PARP11: variants seen among roughly 807,000 people sequenced by gnomAD.
PARP11 encodes the protein poly(ADP-ribose) polymerase family member 11.
In PARP11, 31 loss-of-function variants were observed where a neutral mutation model predicts 42.9. The ratio of observed to expected loss-of-function variants is 0.72; its 90% confidence interval spans 0.54 to 0.98. The LOEUF (loss-of-function observed/expected upper bound fraction) is 0.98. PARP11 is among the 50% of genes least tolerant of loss of function. The probability of loss-of-function intolerance (pLI) is 0.00; values close to 1 mark genes in which losing one functional copy is unlikely to be tolerated. For synonymous variants in PARP11, 137 were observed against 127.3 expected (o/e 1.08, Z -0.51); for missense variants, 365 against 413.1 (o/e 0.88, Z 1.01).
At chr12:3,828,544 CAA>C (rs543241542) in intron 3 of PARP11, among the ~76,000 whole-genome samples, 50 of 75,936 alleles carry the variant, frequency 6.6e-4, no homozygotes, top group South Asian at 7.9e-4. Flanking sequence ...TGAGACGTCT[CAA>C]AAAAAAAAAA....
At chr12:3,857,483 G>C (rs1472097468) in intron 1 of PARP11, among the ~76,000 whole-genome samples, 2 of 152,154 alleles carry the variant, frequency 1.3e-5, no homozygotes, top group African/African-American at 2.4e-5. Context: ...TACAGCTGCT[G>C]AGACAGCCTT....
intron 1 of PARP11, among the ~76,000 whole-genome samples, chr12:3,849,120 C>T (rs552514175): frequency 4.0e-4 from 61 of 152,220 alleles, no homozygotes; most frequent in African/African-American, 1.5e-3. Flanking sequence ...GACATCATCT[C>T]ACCTCAGTTA....
intron 1 of PARP11, among the ~76,000 whole-genome samples, chr12:3,866,725 A>G (rs1948398649): frequency 6.6e-6 from 1 of 152,210 alleles, no homozygotes; most frequent in Admixed American, 6.5e-5. Context: ...CCAAGAGAAA[A>G]GACGCATTCC....
intron 1 of PARP11, among the ~76,000 whole-genome samples, chr12:3,866,408 C>G (rs755417203): frequency 6.6e-6 from 1 of 152,066 alleles, no homozygotes; most frequent in African/African-American, 2.4e-5. Context: ...CTTCAAAAGA[C>G]GGTCCTCAGG....
chr12:3,826,311 G>A (rs558821374), intron 3 of PARP11, 78 bp from the exon 4 acceptor site: 10 of 987,766 alleles, frequency 1.0e-5, no homozygotes, highest in Non-Finnish European at 1.5e-5. Flanking sequence ...TAATAGCCAC[G>A]CTACGCGATG....
At position 3,840,585 on chromosome 12, in the gene PARP11, TTC is replaced by T. The variant is rs1947864815; in HGVS notation, c.19-10569_19-10568del. 4.8e-6 allele frequency: 7 copies of T among 1,452,596 alleles called. No individual in the cohort carries two copies. The highest frequency in any genetic ancestry group is 1.7e-4 in the Middle Eastern group (1 of 5,764). 90.0% of individuals were successfully genotyped at this position (1,452,596 alleles called of 1,614,324 possible). A position where few individuals can be genotyped will look rare whatever the true frequency, so the allele number is the denominator to read the frequency against. On this transcript the variant is annotated intron_variant, in intron 1 of 7. Transcript: ENST00000228820. This position sits in a 1 kb window ranked among gnomAD's most constrained non-coding sequence, Gnocchi z 4.4. ...AACCTGATCGTGAAAGAGTTGAGGA[TTC>T]TGATCACACAAGTCGAGAATCTAAC...
chr12:3,818,301 C>T (rs1414368541), intron 6 of PARP11, among the ~76,000 whole-genome samples: 1 of 152,270 alleles, frequency 6.6e-6, no homozygotes, highest in African/African-American at 2.4e-5. Flanking sequence ...ACAAAAGAAA[C>T]GGAAGGTATC....
intron 1 of PARP11, chr12:3,842,347 T>C: frequency 6.2e-7 from 1 of 1,611,656 alleles, no homozygotes; most frequent in Non-Finnish European, 8.5e-7. Context: ...TTGGGGCTAT[T>C]CTGGTAGGGG....
At chr12:3,841,034 C>A (rs1947877774) in intron 1 of PARP11, 1 of 1,585,508 alleles carries the variant, frequency 6.3e-7, no homozygotes, top group Non-Finnish European at 8.7e-7. Context: ...GTGACACAGA[C>A]TTTGACCCCT....
intron 1 of PARP11, among the ~76,000 whole-genome samples, chr12:3,836,867 T>C (rs1947775862): frequency 1.3e-5 from 2 of 152,152 alleles, no homozygotes; most frequent in Non-Finnish European, 2.9e-5. Context: ...GCATCAAGCA[T>C]ACAGAAAACT....
rs1209479932 is a variant in PARP11, at chr12:3,811,067, A to G, written c.*1056T>C. The G allele has an allele frequency of 2.6e-5, 4 of 152,236 alleles. No homozygotes were observed. The highest frequency in any genetic ancestry group is 5.9e-5 in the Non-Finnish European group (4 of 68,040). 9.4% of individuals were successfully genotyped at this position (152,236 alleles called of 1,614,324 possible). A position where few individuals can be genotyped will look rare whatever the true frequency, so the allele number is the denominator to read the frequency against. On this transcript the variant is annotated 3_prime_UTR_variant, in exon 8 of 8. Coordinates refer to ENST00000228820, the MANE Select transcript of PARP11 (RefSeq NM_020367.6). ...TGGAACAGGTAAACAAATTTCCACT[A>G]AACATGATTAAGAATTATATCTAAC...
intron 7 of PARP11, among the ~76,000 whole-genome samples, chr12:3,813,228 A>T (rs1947219633): frequency 6.6e-6 from 1 of 152,222 alleles, no homozygotes; most frequent in South Asian, 2.1e-4. Flanking sequence ...GCCTACAGGG[A>T]TTCTTTTAAA....
chr12:3,871,033 A>G (rs1948468938), intron 1 of PARP11, among the ~76,000 whole-genome samples: 1 of 152,222 alleles, frequency 6.6e-6, no homozygotes, highest in South Asian at 2.1e-4. Context: ...GACTATTGTT[A>G]TATGATGCAC....
At chr12:3,817,223 C>T (rs1285396505) in intron 6 of PARP11, among the ~76,000 whole-genome samples, 2 of 151,708 alleles carry the variant, frequency 1.3e-5, no homozygotes, top group African/African-American at 4.9e-5. Context: ...CACTACTTTT[C>T]GGGCACAAAT....
chr12:3,856,013 C>G (rs1565549104), intron 1 of PARP11, among the ~76,000 whole-genome samples: 2 of 152,142 alleles, frequency 1.3e-5, no homozygotes, highest in East Asian at 3.9e-4. Context: ...ACAAACCTGA[C>G]AAAAACAAGA....
rs1194943874 is a variant in PARP11, at chr12:3,814,114, C to T, written c.623G>A (p.Ser208Asn). Residue 208 changes from serine (S) to asparagine (N), a missense_variant, in exon 7 of 8, where the codon AGT becomes AAT. By Grantham distance (46) the Ser-to-Asn change is conservative (BLOSUM62 1). Coordinates refer to ENST00000228820, the MANE Select transcript of PARP11 (RefSeq NM_020367.6). ...NEQMLFHGTS[S>N]EFVEAICIHN... ...AATGCAGATTGCTTCCACAAATTCA[C>T]TGCTGGTACCATGAAACAGCATTTG... is the stretch of plus-strand genomic sequence containing the variant. 3.7e-6 allele frequency: 6 copies of T among 1,609,532 alleles called. No individual in the cohort carries two copies. Among genetic ancestry groups the T allele is most frequent in the Non-Finnish European group, 5.1e-6 (6 of 1,177,062 alleles).
chr12:3,854,725 T>C (rs1948162186), intron 1 of PARP11, among the ~76,000 whole-genome samples: 1 of 152,160 alleles, frequency 6.6e-6, no homozygotes, highest in Admixed American at 6.5e-5. Flanking sequence ...GTACCATTCC[T>C]TCTGAAACTA....
intron 1 of PARP11, among the ~76,000 whole-genome samples, chr12:3,847,351 A>G (rs781393990): frequency 7.2e-5 from 11 of 152,188 alleles, no homozygotes; most frequent in Non-Finnish European, 1.3e-4. Context: ...TCAAAACCCA[A>G]TAAGGACACA....
At chr12:3,844,900 G>A (rs1947968840) in intron 1 of PARP11, among the ~76,000 whole-genome samples, 2 of 152,152 alleles carry the variant, frequency 1.3e-5, no homozygotes, top group African/African-American at 2.4e-5. Context: ...CTTATGCTGA[G>A]GTCAAACTAA....
Sources: allele counts gnomAD v4.1 joint callset (sites outside exome capture counted in the v4.1 genomes callset), GRCh38; gene constraint gnomAD v4.1.1; non-coding constraint Gnocchi (gnomAD v3.1); transcripts MANE v1.5; gene names NCBI Gene and HGNC (gene_info 2026-07-23, HGNC 2026-07-21).